The following IMPG2 variants were observed in gnomAD, a reference collection of about 807,000 sequenced individuals.
IMPG2 encodes interphotoreceptor matrix proteoglycan 2.
A neutral mutation model predicts 129.2 loss-of-function variants in IMPG2; 91 were observed. That is an observed-to-expected ratio of 0.70 (90% CI 0.59 to 0.84). The LOEUF is 0.84. IMPG2 is among the 40% of genes least tolerant of loss of function. IMPG2 has a pLI of 0.00. For missense variants in IMPG2, 1,430 were observed against 1,461.7 expected (o/e 0.98, Z 0.35); for synonymous variants, 510 against 517.7 (o/e 0.99, Z 0.20).
Position 101,320,263 on chromosome 3 carries a change from A to C in IMPG2, c.85+25T>G, listed in dbSNP as rs573908. 0.78 allele frequency: 1,033,281 copies of C among 1,329,244 alleles called. 404,836 individuals carry two copies. The highest frequency in any genetic ancestry group is 0.86 in the East Asian group (37,074 of 43,164). 82.3% of individuals were successfully genotyped at this position (1,329,244 alleles called of 1,614,324 possible). ...CATATACTACAGATATGGAAAGATA[A>C]AAACAAATGTAGATTTTTAAATACC... On this transcript the variant is annotated intron_variant, in intron 1 of 18. Transcript: ENST00000193391.
chr3:101,245,691 C>T lies in IMPG2; in HGVS notation c.1543+111G>A, dbSNP rs1706468170. ...ACACACAATTTTACCAAGACATTTT[C>T]CCCCTAATGAATGCTACCATGTTTT... On this transcript the variant is annotated intron_variant, in intron 12 of 18. Coordinates refer to ENST00000193391, the MANE Select transcript of IMPG2 (RefSeq NM_016247.4). 3.1e-6 allele frequency: 3 copies of T among 973,762 alleles called. No homozygotes were observed. In the Admixed American group the frequency reaches 5.3e-5, roughly 17 times the overall value. The allele number at this position is 973,762 out of a possible 1,614,324, so 60.3% of individuals were successfully genotyped here. A position where few individuals can be genotyped will look rare whatever the true frequency, so the allele number is the denominator to read the frequency against.
At position 101,247,127 on chromosome 3, in the gene IMPG2, C is replaced by T. The variant is rs564256289; in HGVS notation, c.1240-1022G>A. 1.3e-4 allele frequency among the ~76,000 whole-genome samples: 19 copies of T among 151,486 alleles called. No individual in the cohort carries two copies. The East Asian group carries it at 3.7e-3, about 30-fold the overall frequency. ...AAAAAAAAAATGTTTAACAATAATGCTAAGAGGTAAAACGACCATGGTATT... is the reference window on the plus strand; with the variant it reads ...AAAAAAAAAATGTTTAACAATAATGTTAAGAGGTAAAACGACCATGGTATT... On this transcript the variant is annotated intron_variant, in intron 11 of 18. Coordinates refer to ENST00000193391, the MANE Select transcript of IMPG2 (RefSeq NM_016247.4).
intron 2 of IMPG2, among the ~76,000 whole-genome samples, chr3:101,310,559 CAAAAAAAAAAAAAAAA>C (rs199570786): frequency 0.77 from 97,523 of 126,930 alleles, 35,221 homozygotes; most frequent in East Asian, 0.83. Context: ...GACCCTGTCT[CAAAAAAAAAAAAAAAA>C]AAAAAAAAAA....
chr3:101,294,535 T>G (rs1001716542), intron 3 of IMPG2, among the ~76,000 whole-genome samples: 1 of 152,214 alleles, frequency 6.6e-6, no homozygotes, highest in Non-Finnish European at 1.5e-5. Context: ...CTATTGTAAA[T>G]AGTGGTGCAA....
intron 2 of IMPG2, among the ~76,000 whole-genome samples, chr3:101,307,110 G>C (rs117394446): frequency 6.6e-6 from 1 of 152,130 alleles, no homozygotes; most frequent in African/African-American, 2.4e-5. Flanking sequence ...CAAAGGAAGA[G>C]ATAAAAATAG....
At position 101,257,614 on chromosome 3, in the gene IMPG2, A is replaced by G. The variant is rs778691369; in HGVS notation, c.1068T>C (p.Asp356=). ...TVVYTISNFR[D]YIAETLQQNF... ...TCTGCTGCAATGTCTCAGCAATATAATCTCTGAAGTTACTGATTGTATAAA... is the reference window on the plus strand; with the variant it reads ...TCTGCTGCAATGTCTCAGCAATATAGTCTCTGAAGTTACTGATTGTATAAA... The change falls in exon 10 of 19, where the codon GAT becomes GAC. Residue 356 remains aspartate, a synonymous_variant. Transcript: ENST00000193391. The G allele has an allele frequency of 2.5e-6, 4 of 1,613,406 alleles. No individual in the cohort carries two copies. Among genetic ancestry groups the G allele is most frequent in the Non-Finnish European group, 3.4e-6 (4 of 1,179,566 alleles).
rs529343056 is a variant in IMPG2 at position 101,306,043 on chromosome 3, A to C, written c.335-1731T>G. On this transcript the variant is annotated intron_variant, in intron 2 of 18. Transcript: ENST00000193391. ...ATTGAGGTGGAGCCTCTGGACTCCC[A>C]CAGTCAGAAGATCTAAGTTCCCGCT... Among the ~76,000 whole-genome samples, 44 of 152,312 alleles carry C rather than the reference A, an allele frequency of 2.9e-4. No individual in the cohort carries two copies. In the South Asian group the frequency reaches 8.7e-3, roughly 30 times the overall value.
intron 3 of IMPG2, among the ~76,000 whole-genome samples, chr3:101,300,171 G>A (rs1017267777): frequency 2.0e-5 from 3 of 151,940 alleles, no homozygotes; most frequent in African/African-American, 7.3e-5. Context: ...CTGAAGAGGC[G>A]CTCTGTCCGC....
At chr3:101,236,939 C>A (rs774313902) in intron 14 of IMPG2, among the ~76,000 whole-genome samples, 1 of 152,190 alleles carries the variant, frequency 6.6e-6, no homozygotes, top group Admixed American at 6.5e-5. Flanking sequence ...CCCACCCCCA[C>A]GGAGCACAGC....
At chr3:101,230,260 A>G (rs1300063890) in intron 16 of IMPG2, among the ~76,000 whole-genome samples, 1 of 152,248 alleles carries the variant, frequency 6.6e-6, no homozygotes, top group Non-Finnish European at 1.5e-5. Context: ...TCAGACGCAC[A>G]GAAGCAAAGT....
At chr3:101,298,992 T>C (rs1707112211) in intron 3 of IMPG2, among the ~76,000 whole-genome samples, 1 of 152,204 alleles carries the variant, frequency 6.6e-6, no homozygotes, top group African/African-American at 2.4e-5. Context: ...CTGAAGTATG[T>C]TTTACAACTT....
chr3:101,235,189 A>G (rs1706332977), intron 14 of IMPG2, among the ~76,000 whole-genome samples: 1 of 152,232 alleles, frequency 6.6e-6, no homozygotes, highest in Non-Finnish European at 1.5e-5. Flanking sequence ...CATCACCATC[A>G]TGCTGTGCAT....
intron 14 of IMPG2, among the ~76,000 whole-genome samples, chr3:101,240,008 G>A (rs972371916): frequency 3.3e-5 from 5 of 151,258 alleles, no homozygotes; most frequent in African/African-American, 1.2e-4. Flanking sequence ...CATGGCACAC[G>A]TATACCTGTG....
chr3:101,228,589 A>G (rs1706248490), intron 18 of IMPG2, among the ~76,000 whole-genome samples: 1 of 152,244 alleles, frequency 6.6e-6, no homozygotes, highest in Admixed American at 6.5e-5. Context: ...CTCAAATAAG[A>G]AACACTCAAT....
intron 18 of IMPG2, 82 bp from the exon 19 acceptor site, chr3:101,227,063 G>A (rs1381531316): frequency 2.3e-6 from 3 of 1,325,910 alleles, no homozygotes; most frequent in Non-Finnish European, 3.3e-6. Flanking sequence ...ACATCACTAA[G>A]CTATACTCCT....
intron 15 of IMPG2, 91 bp downstream of exon 15, chr3:101,232,690 A>G (rs1706302365): frequency 2.8e-6 from 3 of 1,054,068 alleles, no homozygotes; most frequent in Middle Eastern, 2.8e-4. Flanking sequence ...TGCATACTAT[A>G]ATAAGTATCC....
At chr3:101,255,189 G>A (rs1417675467) in intron 10 of IMPG2, among the ~76,000 whole-genome samples, 1 of 152,116 alleles carries the variant, frequency 6.6e-6, no homozygotes, top group Non-Finnish European at 1.5e-5. Flanking sequence ...TTTTGAGATA[G>A]TGATCAAGTT....
rs1441315968 is a variant in IMPG2 at position 101,223,649 on chromosome 3, C to A, written c.*3320G>T. On this transcript the variant is annotated 3_prime_UTR_variant, in exon 19 of 19. Coordinates refer to ENST00000193391, the MANE Select transcript of IMPG2 (RefSeq NM_016247.4). ...TTAGAGCCTACAAAGAATATTTGTG[C>A]AGTTTCCAGCTTTTTGTTAGAGGTA... 6.6e-6 allele frequency: 1 copy of A among 152,186 alleles called. No homozygotes were observed. Among genetic ancestry groups the A allele is most frequent in the Non-Finnish European group, 1.5e-5 (1 of 68,038 alleles). The allele number at this position is 152,186 out of a possible 1,614,324, so 9.4% of individuals were successfully genotyped here.
At chr3:101,275,873 C>A in intron 5 of IMPG2, 128 bp from the exon 6 acceptor site, 1 of 726,036 alleles carries the variant, frequency 1.4e-6, no homozygotes, top group Non-Finnish European at 2.4e-6. Context: ...CCTGGAAATT[C>A]GGTGCATTCT....
Sources: gnomAD v4.1 joint callset for allele counts (sites outside exome capture counted in the v4.1 genomes callset) on GRCh38, gnomAD v4.1.1 for gene constraint, MANE v1.5 for transcripts, NCBI Gene and HGNC (gene_info 2026-07-23, HGNC 2026-07-21) for gene names.